CSMD1: variants seen among roughly 807,000 people sequenced by gnomAD.
The protein encoded by CSMD1 is CUB and Sushi multiple domains 1, also known as CUB and sushi domain-containing protein 1.
In CSMD1, 213 loss-of-function variants were observed where a neutral mutation model predicts 417.5. That is an observed-to-expected ratio of 0.51 (90% CI 0.46 to 0.57). The LOEUF is 0.57. Ranked by LOEUF, CSMD1 falls within the 20% of genes least tolerant of loss-of-function variation. CSMD1 has a pLI of 0.00. For missense variants in CSMD1, 6,923 were observed against 4,529.7 expected (o/e 1.53, Z -15.17); for synonymous variants, 2,862 against 1,736.8 (o/e 1.65, Z -16.11).
intron 3 of CSMD1, among the ~76,000 whole-genome samples, chr8:4,362,090 T>C (rs1297015223): frequency 2.0e-5 from 3 of 152,110 alleles, no homozygotes; most frequent in Non-Finnish European, 4.4e-5. Flanking sequence ...TTAATTGATA[T>C]ACAAATGAGA....
intron 1 of CSMD1, among the ~76,000 whole-genome samples, chr8:4,954,335 G>T (rs1808945247): frequency 6.6e-6 from 1 of 152,068 alleles, no homozygotes; most frequent in Admixed American, 6.6e-5. Context: ...TATTTAAAAA[G>T]GTGATATTTC....
intron 10 of CSMD1, among the ~76,000 whole-genome samples, chr8:3,517,354 C>T (rs1010987742): frequency 3.3e-5 from 5 of 152,152 alleles, no homozygotes; most frequent in Admixed American, 6.5e-5. Flanking sequence ...ACAAGCAAAA[C>T]TATAGTGGTG....
chr8:3,872,765 A>G (rs545763032), intron 5 of CSMD1, among the ~76,000 whole-genome samples: 2 of 152,108 alleles, frequency 1.3e-5, no homozygotes, highest in Non-Finnish European at 2.9e-5. Context: ...AATTTTTTGC[A>G]AACTACCCAT....
intron 5 of CSMD1, among the ~76,000 whole-genome samples, chr8:3,956,580 C>A (rs1218051178): frequency 6.6e-6 from 1 of 152,124 alleles, no homozygotes; most frequent in Non-Finnish European, 1.5e-5. Context: ...AAATACTGTG[C>A]CCCATGTTTT....
intron 3 of CSMD1, among the ~76,000 whole-genome samples, chr8:4,076,632 T>C (rs1799835367): frequency 6.6e-6 from 1 of 152,220 alleles, no homozygotes; most frequent in Non-Finnish European, 1.5e-5. Flanking sequence ...GTTACCTTTA[T>C]TATAAGGATT....
chr8:4,845,098 T>C (rs1041856158), intron 1 of CSMD1, among the ~76,000 whole-genome samples: 2 of 152,234 alleles, frequency 1.3e-5, no homozygotes, highest in Admixed American at 1.3e-4. Flanking sequence ...TACATATCTG[T>C]GTTTTTATTC....
chr8:3,745,172 T>G (rs1338023667), intron 6 of CSMD1, among the ~76,000 whole-genome samples: 2 of 152,222 alleles, frequency 1.3e-5, no homozygotes, highest in African/African-American at 4.8e-5. Flanking sequence ...TGAAAAACCA[T>G]TTTGAACTCT....
Position 3,241,023 on chromosome 8 carries a change from C to T in CSMD1, c.4154-10792G>A, listed in dbSNP as rs968607200. On this transcript the variant is annotated intron_variant, in intron 26 of 69. Coordinates refer to ENST00000635120, the MANE Select transcript of CSMD1 (RefSeq NM_033225.6). ...AGATGATAAGGGGTGCATGATCGGTCACCAAGGAGGGAGTAGAGGTATCTC... is the reference window on the plus strand; with the variant it reads ...AGATGATAAGGGGTGCATGATCGGTTACCAAGGAGGGAGTAGAGGTATCTC... Among the ~76,000 whole-genome samples, 18 of 149,068 alleles carry T rather than the reference C, an allele frequency of 1.2e-4. 2 individuals are homozygous for T. The Middle Eastern group carries it at 0.017, about 145-fold the overall frequency.
intron 5 of CSMD1, among the ~76,000 whole-genome samples, chr8:3,938,634 A>G (rs1810665234): frequency 6.6e-6 from 1 of 152,182 alleles, no homozygotes; most frequent in African/African-American, 2.4e-5. Context: ...CTGCCCCAGC[A>G]GGTCACTGCA....
At chr8:3,539,133 G>C (rs1049770663) in intron 10 of CSMD1, among the ~76,000 whole-genome samples, 7 of 152,178 alleles carry the variant, frequency 4.6e-5, no homozygotes, top group Non-Finnish European at 8.8e-5. Context: ...GGGACCGCTT[G>C]TCTTTCCCTT....
intron 39 of CSMD1, among the ~76,000 whole-genome samples, chr8:3,151,870 T>C (rs1311775185): frequency 1.3e-5 from 2 of 152,204 alleles, no homozygotes; most frequent in Non-Finnish European, 2.9e-5. Flanking sequence ...TCCCTATTGA[T>C]TGATTGCTAA....
chr8:3,901,467 C>A (rs1319217515), intron 5 of CSMD1, among the ~76,000 whole-genome samples: 1 of 152,164 alleles, frequency 6.6e-6, no homozygotes, highest in Admixed American at 6.5e-5. Context: ...TTATTTTCCA[C>A]TTGATAGATC....
At chr8:3,455,904 C>A (rs577993510) in intron 12 of CSMD1, among the ~76,000 whole-genome samples, 9 of 152,334 alleles carry the variant, frequency 5.9e-5, no homozygotes, top group African/African-American at 2.2e-4. Context: ...GCCCTGCCCC[C>A]AGAGGTGGAG....
At chr8:3,864,610 C>T (rs966520893) in intron 5 of CSMD1, among the ~76,000 whole-genome samples, 2 of 152,034 alleles carry the variant, frequency 1.3e-5, no homozygotes, top group Admixed American at 6.5e-5. Flanking sequence ...TAGTGTTATC[C>T]CTCCCCAGTA....
rs141887423 is a variant in CSMD1, at chr8:3,192,848, C to T, written c.5195-2733G>A. On this transcript the variant is annotated intron_variant, in intron 33 of 69. Coordinates refer to ENST00000635120, the MANE Select transcript of CSMD1 (RefSeq NM_033225.6). ...ATTTTGGATATTCAGATTAGGGATGCTCAATCCATATAACATAATATTTCT... is the reference window on the plus strand; with the variant it reads ...ATTTTGGATATTCAGATTAGGGATGTTCAATCCATATAACATAATATTTCT... Among the ~76,000 whole-genome samples, 620 of 151,972 alleles carry T rather than the reference C, an allele frequency of 4.1e-3. 8 individuals are homozygous for T. Among genetic ancestry groups the T allele is most frequent in the African/African-American group, 0.014 (587 of 41,456 alleles).
intron 3 of CSMD1, among the ~76,000 whole-genome samples, chr8:4,125,510 G>C (rs7017735): frequency 0.11 from 16,641 of 152,202 alleles, 1,118 homozygotes; most frequent in East Asian, 0.31. Flanking sequence ...ACGTCGGCCG[G>C]ACCTCCTGAG....
chr8:3,549,380 C>G (rs1798813544), intron 10 of CSMD1, among the ~76,000 whole-genome samples: 1 of 152,166 alleles, frequency 6.6e-6, no homozygotes, highest in Non-Finnish European at 1.5e-5. Flanking sequence ...AGATCTAGGC[C>G]TTATTCTACT....
At chr8:4,285,798 G>A (rs753466320) in intron 3 of CSMD1, among the ~76,000 whole-genome samples, 6 of 152,136 alleles carry the variant, frequency 3.9e-5, no homozygotes, top group Non-Finnish European at 2.9e-5. Context: ...TCTTCTCCAG[G>A]TGTCCCTCTA....
chr8:3,985,127 C>A (rs1263140313), intron 5 of CSMD1, among the ~76,000 whole-genome samples: 4 of 151,982 alleles, frequency 2.6e-5, no homozygotes, highest in Admixed American at 2.0e-4. Context: ...CACCATAGAT[C>A]ATGTACTTCA....
Sources: allele counts gnomAD v4.1 joint callset (sites outside exome capture counted in the v4.1 genomes callset), GRCh38; gene constraint gnomAD v4.1.1; transcripts MANE v1.5; gene names NCBI Gene and HGNC (gene_info 2026-07-23, HGNC 2026-07-21).